KPRP: variants seen among roughly 807,000 people sequenced by gnomAD.
KPRP encodes the protein keratinocyte proline rich protein.
For missense variants in KPRP, 820 were observed against 746.4 expected (o/e 1.10, Z -1.15); for synonymous variants, 282 against 276.9 (o/e 1.02, Z -0.18).
chr1:152,759,554 C>T, upstream of KPRP: 1 of 1,594,138 alleles, frequency 6.3e-7, no homozygotes. Flanking sequence ...GGTCTCTTTG[C>T]CCTCAGGTCA....
chr1:152,758,243 G>A (rs569094126), upstream of KPRP, among the ~76,000 whole-genome samples: 16 of 152,268 alleles, frequency 1.1e-4, no homozygotes, highest in South Asian at 8.3e-4. Flanking sequence ...CAGAGTTTAC[G>A]AGATGAGCTA....
exon 1 of KPRP, chr1:152,761,555 C>G: frequency 1.5e-6 from 1 of 683,862 alleles, no homozygotes; most frequent in Non-Finnish European, 2.3e-6. Context: ...ATCCTCGGCT[C>G]TAGCCAGACC....
rs376671304 is a variant in KPRP at position 152,761,057 on chromosome 1, C to T, written c.1469C>T (p.Pro490Leu). ...CCGGCGCCCTGCCCAAGCCCGGAGC[C>T]CTGCAGGGAGACTTGGCGCAGCCCC... Residue 490 changes from proline to leucine, a missense_variant, in exon 1 of 1, where the codon CCC (proline) becomes CTC (leucine). Pro to Leu is a moderately conservative substitution (Grantham distance 98, BLOSUM62 -3). Coordinates refer to ENST00000606109, the Ensembl canonical transcript of KPRP. 1.2e-5 allele frequency: 19 copies of T among 1,613,858 alleles called. No homozygotes were observed. The highest frequency in any genetic ancestry group is 2.2e-5 in the East Asian group (1 of 44,858).
At chr1:152,759,721 A>G (rs1193917254) in exon 1 of KPRP, 3 of 1,613,954 alleles carry the variant, frequency 1.9e-6, no homozygotes, top group Non-Finnish European at 2.5e-6. Flanking sequence ...TGAGATGCAA[A>G]TTGTGGACTG....
rs1651129454 is a variant in KPRP at position 152,761,445 on chromosome 1, T to C, written c.*117T>C. On this transcript the variant is annotated 3_prime_UTR_variant, in exon 1 of 1. Transcript: ENST00000606109. ...CCAAAGATATTCAGAGACTCCCTAT[T>C]ACGAAGGTGATGTCCAAACTCCTTT... is the stretch of plus-strand genomic sequence containing the variant. 3 of 1,456,782 alleles carry C rather than the reference T, an allele frequency of 2.1e-6. No homozygotes were observed. In the Admixed American group the frequency reaches 8.3e-5, roughly 40 times the overall value. 90.2% of individuals were successfully genotyped at this position (1,456,782 alleles called of 1,614,324 possible).
chr1:152,760,353 C>G (rs1442712887), exon 1 of KPRP: 3 of 1,614,072 alleles, frequency 1.9e-6, no homozygotes, highest in Admixed American at 3.3e-5. Flanking sequence ...CCAGCAGATG[C>G]CTTCCTCCTC....
exon 1 of KPRP, chr1:152,760,867 C>T (rs1425856917): frequency 2.5e-6 from 4 of 1,614,084 alleles, no homozygotes; most frequent in South Asian, 2.2e-5. Flanking sequence ...ACCACGACAA[C>T]TTTCAGAACC....
upstream of KPRP, among the ~76,000 whole-genome samples, chr1:152,758,974 T>C (rs13328667): frequency 0.026 from 3,974 of 152,366 alleles, 182 homozygotes; most frequent in African/African-American, 0.09. Flanking sequence ...AAACATTGTA[T>C]CATGTTTAAA....
In KPRP at chr1:152,761,251, AG is replaced by A; in HGVS notation, c.1667del (p.Gly556ValfsTer15). 6.2e-7 allele frequency: 1 copy of A among 1,614,098 alleles called. No homozygotes were observed. The highest frequency in any genetic ancestry group is 8.5e-7 in the Non-Finnish European group (1 of 1,180,012). ...GCCTGGTGATGTGTTTCCAGAGCGGAGGGGTCAGGATGGCCATGGAGACCAA... is the reference window on the plus strand; with the variant it reads ...GCCTGGTGATGTGTTTCCAGAGCGGAGGGTCAGGATGGCCATGGAGACCAA... On this transcript the variant is annotated frameshift_variant, in exon 1 of 1. Transcript: ENST00000606109. LOFTEE classifies it low-confidence loss of function (END_TRUNC).
At chr1:152,761,952 G>C (rs185016899) in exon 1 of KPRP, 1 of 168,036 alleles carries the variant, frequency 6.0e-6, no homozygotes, top group Non-Finnish European at 1.5e-5. Context: ...GCTTAGCAAG[G>C]CTTGTGGGTT....
chr1:152,758,129 C>T (rs1267068081), upstream of KPRP, among the ~76,000 whole-genome samples: 1 of 152,110 alleles, frequency 6.6e-6, no homozygotes, highest in African/African-American at 2.4e-5. Flanking sequence ...GGTTCACAGT[C>T]GTGAGGCACA....
chr1:152,759,863 C>T, exon 1 of KPRP: 3 of 1,614,006 alleles, frequency 1.9e-6, no homozygotes, highest in Admixed American at 1.7e-5. Flanking sequence ...TCTAAGACCA[C>T]CCAGGTGAAG....
exon 1 of KPRP, chr1:152,761,417 T>A: frequency 1.3e-6 from 2 of 1,485,426 alleles, no homozygotes; most frequent in Non-Finnish European, 1.8e-6. Context: ...TGTTTGAATC[T>A]CTCCAAAGAT....
At position 152,761,201 on chromosome 1, in the gene KPRP, G is replaced by T. The variant is rs114002153; in HGVS notation, c.1613G>T (p.Gly538Val). Residue 538 changes from glycine to valine, a missense_variant, in exon 1 of 1, where the codon GGG (glycine) becomes GTG (valine). Coordinates refer to ENST00000606109, the Ensembl canonical transcript of KPRP. ...TGTGGCCCATCCAGTTACAACCAGG[G>T]GCAAGAGAGTGGTGCTGGCTGTGGG... The T allele has an allele frequency of 2.0e-3, 3,205 of 1,614,158 alleles. 70 individuals are homozygous for T. In the African/African-American group the frequency reaches 0.039, roughly 20 times the overall value.
chr1:152,760,915 A>G (rs750438053), exon 1 of KPRP: 1 of 1,613,826 alleles, frequency 6.2e-7, no homozygotes, highest in East Asian at 2.2e-5. Context: ...ACTACGTCCA[A>G]CACCGCGGCC....
exon 1 of KPRP, chr1:152,761,116 C>A: frequency 6.2e-7 from 1 of 1,614,122 alleles, no homozygotes; most frequent in Middle Eastern, 1.6e-4. Context: ...AGTTCCATAC[C>A]CAGGAGACCT....
exon 1 of KPRP, chr1:152,761,585 G>T: frequency 2.1e-6 from 1 of 470,902 alleles, no homozygotes; most frequent in South Asian, 2.7e-5. Flanking sequence ...ACTGGGCACA[G>T]CTTGGGTGTT....
chr1:152,759,591 G>T (rs1015598511), exon 1 of KPRP: 2 of 1,613,330 alleles, frequency 1.2e-6, no homozygotes, highest in Non-Finnish European at 1.7e-6. Context: ...TCAGGACCAT[G>T]TGTGACCAGC....
rs144964533 is a variant in KPRP at position 152,760,388 on chromosome 1, G to A, written c.800G>A (p.Arg267His). Residue 267 changes from arginine (R) to histidine (H), a missense_variant, in exon 1 of 1, where the codon CGC (arginine) becomes CAC (histidine). By Grantham distance (29) the Arg-to-His change is conservative (BLOSUM62 0). Coordinates refer to ENST00000606109, the Ensembl canonical transcript of KPRP. The stretch of plus-strand genomic sequence containing the variant: ...CCTCGGCGGCTGCAGCTTTTCCCCC[G>A]CAGCTGTTCCCCACCAAGACGTTTT... The A allele has an allele frequency of 7.4e-6, 12 of 1,613,812 alleles. No homozygotes were observed. Among genetic ancestry groups the A allele is most frequent in the Middle Eastern group, 3.3e-4 (2 of 6,084 alleles).
Sources: gnomAD v4.1 joint callset for allele counts (sites outside exome capture counted in the v4.1 genomes callset) on GRCh38, gnomAD v4.1.1 for gene constraint, MANE v1.5 for transcripts, NCBI Gene and HGNC (gene_info 2026-07-23, HGNC 2026-07-21) for gene names.